The following BBS9 variants were observed in gnomAD, a reference collection of about 807,000 sequenced individuals.
BBS9 encodes Bardet-Biedl syndrome 9.
A neutral mutation model predicts 117.7 loss-of-function variants in BBS9; 89 were observed. The ratio of observed to expected loss-of-function variants is 0.76; its 90% CI spans 0.64 to 0.90. The LOEUF (loss-of-function observed/expected upper bound fraction) is 0.90, where lower values mean the gene tolerates loss of function less well. BBS9 is among the 40% of genes least tolerant of loss of function. The pLI, the probability that BBS9 is intolerant of heterozygous loss-of-function variation, is 0.00. For synonymous variants in BBS9, 379 were observed against 370.9 expected (o/e 1.02, Z -0.25); for missense variants, 982 against 1,042.2 (o/e 0.94, Z 0.80).
chr7:33,548,616 C>G (rs989644631), intron 21 of BBS9, among the ~76,000 whole-genome samples: 2 of 150,490 alleles, frequency 1.3e-5, no homozygotes, highest in Non-Finnish European at 2.9e-5. Flanking sequence ...TTTGTTCTTG[C>G]GATAGTTTAC....
At chr7:33,236,760 TA>T (rs536871449) in intron 5 of BBS9, among the ~76,000 whole-genome samples, 1 of 152,084 alleles carries the variant, frequency 6.6e-6, no homozygotes, top group Non-Finnish European at 1.5e-5. Flanking sequence ...CTTATCAACT[TA>T]TTTTTTTTGT....
chr7:33,207,417 A>AT (rs986622049), intron 5 of BBS9, among the ~76,000 whole-genome samples: 4 of 151,598 alleles, frequency 2.6e-5, no homozygotes, highest in African/African-American at 7.3e-5. Flanking sequence ...ATGAATTTCA[A>AT]TTTTTTTCTG....
chr7:33,302,270 T>C (rs1211038859), intron 9 of BBS9, among the ~76,000 whole-genome samples: 1 of 152,192 alleles, frequency 6.6e-6, no homozygotes, highest in African/African-American at 2.4e-5. Flanking sequence ...GTACAGAAGC[T>C]TTTTAACTTG....
intron 17 of BBS9, among the ~76,000 whole-genome samples, chr7:33,374,584 A>T (rs759802296): frequency 6.6e-6 from 1 of 152,162 alleles, no homozygotes; most frequent in Admixed American, 6.5e-5. Context: ...CTAATATTGA[A>T]GAGGTTGTAT....
At chr7:33,565,605 C>T (rs1304007152) in intron 21 of BBS9, among the ~76,000 whole-genome samples, 1 of 151,096 alleles carries the variant, frequency 6.6e-6, no homozygotes, top group Admixed American at 6.6e-5. Context: ...ATATTCAGTT[C>T]AGAGCTTCTG....
At chr7:33,583,609 A>G (rs970939253) in intron 21 of BBS9, among the ~76,000 whole-genome samples, 2 of 152,140 alleles carry the variant, frequency 1.3e-5, no homozygotes, top group African/African-American at 4.8e-5. Context: ...ACACAAATAA[A>G]GACGCCAAAA....
chr7:33,300,203 G>T (rs529346491), intron 9 of BBS9, among the ~76,000 whole-genome samples: 1 of 152,224 alleles, frequency 6.6e-6, no homozygotes, highest in East Asian at 1.9e-4. Flanking sequence ...AGGGAGGGAG[G>T]TGAGGAAGTT....
At position 33,357,988 on chromosome 7, in the gene BBS9, C is replaced by T. The variant is rs1278366304; in HGVS notation, c.1686C>T (p.Leu562=). ...AATCTCCAGTCAGTCTTCTTAGTCT[C>T]TTCCCAGGTAAGACTGTTGAAATAA... ...TNKSPVSLLS[L]FPGFASQSDD... The change falls in exon 16 of 23, where the codon CTC becomes CTT. Residue 562 remains leucine (L), a synonymous_variant. Coordinates refer to ENST00000242067, the MANE Select transcript of BBS9 (RefSeq NM_198428.3). 5.6e-6 allele frequency: 9 copies of T among 1,612,012 alleles called. No homozygotes were observed. The highest frequency in any genetic ancestry group is 7.6e-6 in the Non-Finnish European group (9 of 1,178,720).
intron 21 of BBS9, among the ~76,000 whole-genome samples, chr7:33,631,302 T>A (rs1865881134): frequency 1.3e-5 from 2 of 152,148 alleles, no homozygotes; most frequent in Admixed American, 6.5e-5. Flanking sequence ...CCAGCAGCGT[T>A]CCATGCCAGC....
At chr7:33,572,554 C>T (rs1215447542) in intron 21 of BBS9, among the ~76,000 whole-genome samples, 4 of 152,034 alleles carry the variant, frequency 2.6e-5, no homozygotes, top group Admixed American at 2.0e-4. Flanking sequence ...TTTACATTCC[C>T]ACCAACAGTG....
At chr7:33,516,752 G>C (rs531894819) in intron 20 of BBS9, among the ~76,000 whole-genome samples, 4 of 152,162 alleles carry the variant, frequency 2.6e-5, no homozygotes, top group African/African-American at 9.7e-5. Flanking sequence ...TAAACAGTGA[G>C]AAGTAGTCAA....
chr7:33,241,838 T>C (rs1794583209), intron 5 of BBS9, among the ~76,000 whole-genome samples: 1 of 152,154 alleles, frequency 6.6e-6, no homozygotes, highest in Non-Finnish European at 1.5e-5. Context: ...TACCTGCTTT[T>C]ATTTCCTTAA....
At chr7:33,602,046 G>GGATTAAAGT (rs1208874900) in intron 21 of BBS9, among the ~76,000 whole-genome samples, 4 of 152,170 alleles carry the variant, frequency 2.6e-5, no homozygotes, top group African/African-American at 9.7e-5. Flanking sequence ...CCTGGGGCAA[G>GGATTAAAGT]GATTAAAGTG....
chr7:33,477,853 G>A (rs1050939934), intron 19 of BBS9, among the ~76,000 whole-genome samples: 7 of 152,142 alleles, frequency 4.6e-5, no homozygotes, highest in African/African-American at 9.7e-5. Context: ...GGTGCCATTA[G>A]GTGGAATAGC....
intron 19 of BBS9, among the ~76,000 whole-genome samples, chr7:33,407,555 C>T (rs934286703): frequency 6.6e-6 from 1 of 152,112 alleles, no homozygotes; most frequent in African/African-American, 2.4e-5. Flanking sequence ...TTTTCCCCAT[C>T]TTTGTGGTTT....
intron 5 of BBS9, among the ~76,000 whole-genome samples, chr7:33,208,190 C>G (rs1039191169): frequency 8.6e-5 from 13 of 152,044 alleles, no homozygotes; most frequent in Non-Finnish European, 1.6e-4. Flanking sequence ...TTTTGCCATC[C>G]CCTATTCAGT....
At chr7:33,339,575 C>T (rs936361424) in intron 10 of BBS9, among the ~76,000 whole-genome samples, 2 of 152,238 alleles carry the variant, frequency 1.3e-5, no homozygotes, top group South Asian at 2.1e-4. Context: ...AGTCAGCCAT[C>T]CTCAGAGTGT....
chr7:33,409,019 G>C (rs1370378451), intron 19 of BBS9, among the ~76,000 whole-genome samples: 1 of 152,174 alleles, frequency 6.6e-6, no homozygotes, highest in Admixed American at 6.5e-5. Context: ...TTTGAGAACT[G>C]TCTGTTCATG....
At chr7:33,323,467 T>C (rs1023143480) in intron 9 of BBS9, among the ~76,000 whole-genome samples, 2 of 151,888 alleles carry the variant, frequency 1.3e-5, no homozygotes, top group Non-Finnish European at 2.9e-5. Flanking sequence ...TTGAATTGAG[T>C]TTTTTTTAAA....
Sources: gnomAD v4.1 joint callset for allele counts (sites outside exome capture counted in the v4.1 genomes callset) on GRCh38, gnomAD v4.1.1 for gene constraint, MANE v1.5 for transcripts, NCBI Gene and HGNC (gene_info 2026-07-23, HGNC 2026-07-21) for gene names.